LILRA2: variants seen among roughly 807,000 people sequenced by gnomAD.
The protein encoded by LILRA2 is leukocyte immunoglobulin like receptor A2.
In LILRA2, 45 loss-of-function variants were observed where a neutral mutation model predicts 47.9. The observed-to-expected ratio is 0.94, with a 90% CI of 0.74 to 1.20. The LOEUF (loss-of-function observed/expected upper bound fraction) is 1.20, where lower values mean the gene tolerates loss of function less well. Ranked by LOEUF, LILRA2 falls within the 50% of genes most tolerant of loss-of-function variation. LILRA2 has a pLI of 0.00. For missense variants in LILRA2, 651 were observed against 598.2 expected, an observed-to-expected ratio of 1.09 and a Z score of -0.92; for synonymous variants, 279 against 249.2, an observed-to-expected ratio of 1.12 and a Z score of -1.13.
intron 6 of LILRA2, among the ~76,000 whole-genome samples, chr19:54,579,013 G>C (rs1032995872): frequency 2.0e-5 from 3 of 151,340 alleles, no homozygotes; most frequent in African/African-American, 7.3e-5. Flanking sequence ...CTGGATATTA[G>C]CACTTTGCCA....
At position 54,574,737 on chromosome 19, in the gene LILRA2, A is replaced by G. The variant is rs1230198647; in HGVS notation, c.359A>G (p.Tyr120Cys). 1 of 1,613,962 alleles carries G rather than the reference A, an allele frequency of 6.2e-7. No homozygotes were observed. The highest frequency in any genetic ancestry group is 8.5e-7 in the Non-Finnish European group (1 of 1,179,938). The stretch of plus-strand genomic sequence containing the variant: ...GTGCCTCCTTCTCTCCTAGGAGCCT[A>G]CAGCAAACCCACCCTCTCAGCTCTG... ...DPLELVVTGA[Y>C]SKPTLSALPS... The change falls in exon 4 of 8, where the codon TAC becomes TGC. Residue 120 changes from tyrosine (Y) to cysteine (C), a missense_variant. Tyr to Cys is a radical substitution (Grantham distance 194, BLOSUM62 -2). Transcript: ENST00000391738.
upstream of LILRA2, chr19:54,573,282 C>A (rs1450043103): frequency 3.6e-6 from 2 of 556,158 alleles, no homozygotes; most frequent in Non-Finnish European, 6.7e-6. Context: ...CCATGGTAGA[C>A]CCTGCATTAC....
At position 54,585,802 on chromosome 19, in the gene LILRA2, A is replaced by G. The variant is rs201971524; in HGVS notation, c.1256-1208A>G. 3.9e-5 allele frequency among the ~76,000 whole-genome samples: 6 copies of G among 152,312 alleles called. No individual in the cohort carries two copies. The East Asian group carries it at 9.6e-4, about 24-fold the overall frequency. On this transcript the variant is annotated intron_variant, in intron 6 of 7. Transcript: ENST00000391738. ...AGCTCGCCCTTTGTGGGCTGCAGCC[A>G]CAGTCCAACCAGTCCCAATGAGATA...
At position 54,575,287 on chromosome 19, in the gene LILRA2, G is replaced by C. The variant is rs1198643967; in HGVS notation, c.687G>C (p.Gln229His). ...GVSKKPSLSV[Q>H]PGPMVAPGES... ...CTAAGAAGCCATCACTCTCAGTGCA[G>C]CCAGGTCCTATGGTGGCCCCTGGGG... Residue 229 changes from glutamine (Q) to histidine (H), a missense_variant, in exon 5 of 8, where the codon CAG (glutamine) becomes CAC (histidine). Physicochemically the swap from Gln to His is conservative, Grantham distance 24. Transcript: ENST00000391738. The C allele has an allele frequency of 2.1e-5, 34 of 1,613,784 alleles. No individual in the cohort carries two copies. Among genetic ancestry groups the C allele is most frequent in the Non-Finnish European group, 2.9e-5 (34 of 1,179,772 alleles).
chr19:54,573,628 TG>T (rs2062216575), upstream of LILRA2: 8 of 846,982 alleles, frequency 9.4e-6, 1 homozygote, highest in Admixed American at 5.2e-5. Flanking sequence ...AGACAGTGGC[TG>T]GGGGGCAGGA....
rs1170620031 is a variant in LILRA2 at position 54,579,273 on chromosome 19, C to A, written c.1255+3164C>A. On this transcript the variant is annotated intron_variant, in intron 6 of 7. Transcript: ENST00000391738. ...CATTTAAGTCTTTAATCCATCTTGA[C>A]TTAATTATCGTATAGGGTGTAAGGA... Among the ~76,000 whole-genome samples, 6 of 152,112 alleles carry A rather than the reference C, an allele frequency of 3.9e-5. No homozygotes were observed. The South Asian group carries it at 1.2e-3, about 32-fold the overall frequency.
intron 6 of LILRA2, among the ~76,000 whole-genome samples, chr19:54,578,450 T>C (rs2062543336): frequency 6.6e-6 from 1 of 152,208 alleles, no homozygotes; most frequent in South Asian, 2.1e-4. Context: ...GCAAAGGACA[T>C]GAACTCATCC....
chr19:54,573,463 G>A, upstream of LILRA2: 1 of 1,083,382 alleles, frequency 9.2e-7, no homozygotes. Flanking sequence ...CTGAGCTGAT[G>A]GACGGGCTGA....
At chr19:54,581,745 G>A (rs1009298348) in intron 6 of LILRA2, among the ~76,000 whole-genome samples, 1 of 149,832 alleles carries the variant, frequency 6.7e-6, no homozygotes, top group African/African-American at 2.5e-5. Context: ...ACTGCCCAAG[G>A]TAATTTACAG....
chr19:54,587,501 A>ATCACCCCAGACAGTTTCCTTAC lies in LILRA2; in HGVS notation c.*155_*156insTCACCCCAGACAGTTTCCTTAC. The ATCACCCCAGACAGTTTCCTTAC allele has an allele frequency of 8.1e-7, 1 of 1,242,226 alleles. No individual in the cohort carries two copies. Among genetic ancestry groups the ATCACCCCAGACAGTTTCCTTAC allele is most frequent in the Non-Finnish European group, 1.1e-6 (1 of 913,382 alleles). The allele number at this position is 1,242,226 out of a possible 1,614,324, so 77.0% of individuals were successfully genotyped here. ...AGCAATCAATATTTGAGTGTAAGGA[A>ATCACCCCAGACAGTTTCCTTAC]ACTGTCTGGGGTGATTCCTAGAAGA... On this transcript the variant is annotated 3_prime_UTR_variant, in exon 8 of 8. Transcript: ENST00000391738.
chr19:54,577,767 C>T, intron 6 of LILRA2: 1 of 1,153,592 alleles, frequency 8.7e-7, no homozygotes, highest in Non-Finnish European at 1.1e-6. Context: ...CATTTCTACT[C>T]TGCATTTTCT....
chr19:54,584,887 T>C (rs1306608661), intron 6 of LILRA2, among the ~76,000 whole-genome samples: 1 of 152,236 alleles, frequency 6.6e-6, no homozygotes, highest in African/African-American at 2.4e-5. Context: ...TTTTCTGCTC[T>C]GGTTTCTCCC....
intron 6 of LILRA2, among the ~76,000 whole-genome samples, chr19:54,576,710 T>C (rs113836523): frequency 0.016 from 2,442 of 150,988 alleles, 1 homozygote; most frequent in South Asian, 0.052. Context: ...TCCCCCTCCC[T>C]GAGCAGGATT....
At position 54,575,501 on chromosome 19, in the gene LILRA2, C is replaced by G. The variant is rs113830659; in HGVS notation, c.901C>G (p.Leu301Val). Residue 301 changes from leucine (L) to valine (V), a missense_variant, in exon 5 of 8, where the codon CTC becomes GTC. Leu to Val is a conservative substitution (Grantham distance 32). Coordinates refer to ENST00000391738, the MANE Select transcript of LILRA2 (RefSeq NM_001130917.3). The part of the protein sequence containing the change: ...GQYRCYSAHN[L>V]SSEWSAPSDP... ...GTACAGATGCTACAGTGCACACAAC[C>G]TCTCCTCCGAGTGGTCGGCCCCCAG... The G allele has an allele frequency of 3.4e-5, 55 of 1,612,070 alleles. No individual in the cohort carries two copies. Among genetic ancestry groups the G allele is most frequent in the Non-Finnish European group, 4.4e-5 (52 of 1,179,800 alleles).
chr19:54,574,347 C>G lies in LILRA2; in HGVS notation c.117C>G (p.Ile39Met). 6.2e-7 allele frequency: 1 copy of G among 1,614,248 alleles called. No homozygotes were observed. ...PTLWAEPGSV[I>M]IQGSPVTLRC... is the part of the protein sequence containing the mutation. The stretch of plus-strand genomic sequence containing the variant: ...TCTGGGCTGAGCCAGGCTCTGTGAT[C>G]ATCCAGGGAAGTCCTGTGACCCTCA... Residue 39 changes from isoleucine (I) to methionine (M), a missense_variant, in exon 3 of 8, where the codon ATC (isoleucine) becomes ATG (methionine). By Grantham distance (10) the Ile-to-Met change is conservative. Transcript: ENST00000391738.
Position 54,574,898 on chromosome 19 carries a change from G to T in LILRA2, c.520G>T (p.Gly174Trp). 1 of 1,614,276 alleles carries T rather than the reference G, an allele frequency of 6.2e-7. No homozygotes were observed. The highest frequency in any genetic ancestry group is 8.5e-7 in the Non-Finnish European group (1 of 1,180,044). ...CCTGAACTCCCATTCCCATGCCCGT[G>T]GGTGGTCCTGGGCCATCTTCTCCGT... ...QRLNSHSHAR[G>W]WSWAIFSVGP... is the part of the protein sequence containing the mutation. The change falls in exon 4 of 8, where the codon GGG (glycine) becomes TGG (tryptophan). Residue 174 changes from glycine to tryptophan, a missense_variant. Coordinates refer to ENST00000391738, the MANE Select transcript of LILRA2 (RefSeq NM_001130917.3).
chr19:54,575,852 C>G lies in LILRA2; in HGVS notation c.998C>G (p.Thr333Arg), dbSNP rs769487000. Reference sequence around the variant, plus strand: ...TCTCTCTCGGTGCAGCCGGTCCCCACAGTAGCCCCAGGAAAGAACGTGACC... The same window carrying G: ...TCTCTCTCGGTGCAGCCGGTCCCCAGAGTAGCCCCAGGAAAGAACGTGACC... The part of the protein sequence containing the change: ...RPSLSVQPVP[T>R]VAPGKNVTLL... The change falls in exon 6 of 8, where the codon ACA becomes AGA. Residue 333 changes from threonine (T) to arginine (R), a missense_variant. Coordinates refer to ENST00000391738, the MANE Select transcript of LILRA2 (RefSeq NM_001130917.3). The G allele has an allele frequency of 6.2e-7, 1 of 1,612,234 alleles. No individual in the cohort carries two copies. Among genetic ancestry groups the G allele is most frequent in the African/African-American group, 1.3e-5 (1 of 74,480 alleles).
rs547356361 is a variant in LILRA2 at position 54,589,709 on chromosome 19, C to T, written c.*2363C>T. On this transcript the variant is annotated 3_prime_UTR_variant, in exon 8 of 8. Transcript: ENST00000391738. ...TCTCCTTGTTCGGAGGCTCTCCTGC[C>T]TATCAGCTTTTCTCCTCTGTGCTTT... 1.3e-5 allele frequency: 2 copies of T among 152,372 alleles called. No homozygotes were observed. Among genetic ancestry groups the T allele is most frequent in the Non-Finnish European group, 2.9e-5 (2 of 68,066 alleles). The allele number at this position is 152,372 out of a possible 1,614,324, so 9.4% of individuals were successfully genotyped here. A position where few individuals can be genotyped will look rare whatever the true frequency, so the allele number is the denominator to read the frequency against.
chr19:54,578,794 G>C (rs190319130), intron 6 of LILRA2, among the ~76,000 whole-genome samples: 1 of 152,142 alleles, frequency 6.6e-6, no homozygotes, highest in Non-Finnish European at 1.5e-5. Flanking sequence ...GTAGTTTCCT[G>C]ACTTTTTAAT....
Sources: gnomAD v4.1 joint callset for allele counts (sites outside exome capture counted in the v4.1 genomes callset) on GRCh38, gnomAD v4.1.1 for gene constraint, MANE v1.5 for transcripts, NCBI Gene and HGNC (gene_info 2026-07-23, HGNC 2026-07-21) for gene names.